SH3PXD2B: variants seen among roughly 807,000 people sequenced by gnomAD.
SH3PXD2B encodes the protein SH3 and PX domains 2B, also known as SH3 and PX domain-containing protein 2B.
A neutral mutation model predicts 73.1 loss-of-function variants in SH3PXD2B; 37 were observed. The observed-to-expected ratio is 0.51, with a 90% CI of 0.39 to 0.67. The LOEUF (loss-of-function observed/expected upper bound fraction) is 0.67, where lower values mean the gene tolerates loss of function less well. Ranked by LOEUF, SH3PXD2B falls within the 30% of genes least tolerant of loss-of-function variation. The pLI is 0.00. For missense variants in SH3PXD2B, 1,053 were observed against 1,197.8 expected (o/e 0.88, Z 1.78); for synonymous variants, 457 against 480.5 (o/e 0.95, Z 0.64).
At chr5:172,349,697 AAGT>A (rs1218206583) in intron 10 of SH3PXD2B, among the ~76,000 whole-genome samples, 1 of 152,154 alleles carries the variant, frequency 6.6e-6, no homozygotes, top group Non-Finnish European at 1.5e-5. Flanking sequence ...AAAACAGAAA[AAGT>A]AGTAATTCCC....
At chr5:172,401,345 T>G (rs1561923926) in intron 3 of SH3PXD2B, among the ~76,000 whole-genome samples, 1 of 152,220 alleles carries the variant, frequency 6.6e-6, no homozygotes, top group Admixed American at 6.5e-5. Flanking sequence ...AACAAATTTT[T>G]GAAGCCTCTC....
chr5:172,384,498 A>G (rs1369996759), intron 4 of SH3PXD2B, among the ~76,000 whole-genome samples: 1 of 152,160 alleles, frequency 6.6e-6, no homozygotes, highest in Non-Finnish European at 1.5e-5. Context: ...GAAACTCTGT[A>G]CCCATTAAAC....
At chr5:172,404,729 G>A (rs1758513844) in intron 3 of SH3PXD2B, among the ~76,000 whole-genome samples, 1 of 152,190 alleles carries the variant, frequency 6.6e-6, no homozygotes, top group South Asian at 2.1e-4. Context: ...GGCATTTACA[G>A]AATCATCATA....
At chr5:172,422,604 C>A (rs1420645243) in intron 1 of SH3PXD2B, 108 bp from the exon 2 acceptor site, 7 of 1,033,332 alleles carry the variant, frequency 6.8e-6, no homozygotes, top group Non-Finnish European at 1.0e-5. Flanking sequence ...TGGGTTTCAG[C>A]CTTAGCTCTG....
chr5:172,400,163 A>G (rs1758394197), intron 3 of SH3PXD2B, among the ~76,000 whole-genome samples: 2 of 152,164 alleles, frequency 1.3e-5, no homozygotes, highest in South Asian at 4.1e-4. Flanking sequence ...AAACAAATGA[A>G]AGGGGGAGTA....
intron 5 of SH3PXD2B, among the ~76,000 whole-genome samples, chr5:172,374,928 T>C (rs1337185840): frequency 6.6e-6 from 1 of 152,218 alleles, no homozygotes. Flanking sequence ...ATTATTCTTA[T>C]TCCCATTTTA....
Position 172,338,088 on chromosome 5 carries a change from T to G in SH3PXD2B, c.*281A>C. The G allele has an allele frequency of 2.2e-6, 3 of 1,341,948 alleles. No individual in the cohort carries two copies. Among genetic ancestry groups the G allele is most frequent in the Non-Finnish European group, 2.9e-6 (3 of 1,042,398 alleles). The allele number at this position is 1,341,948 out of a possible 1,614,324, so 83.1% of individuals were successfully genotyped here. The stretch of plus-strand genomic sequence containing the variant: ...GTCCCACTGCTGGGTGGCAATGCCA[T>G]TGGCCAGGAGGAGTTCTCTTAAGGC... On this transcript the variant is annotated 3_prime_UTR_variant, in exon 13 of 13. Transcript: ENST00000311601. This position sits in a 1 kb window ranked among gnomAD's most constrained non-coding sequence, Gnocchi z 5.1.
intron 1 of SH3PXD2B, among the ~76,000 whole-genome samples, chr5:172,439,847 G>A (rs1759511681): frequency 6.6e-6 from 1 of 151,550 alleles, no homozygotes; most frequent in Non-Finnish European, 1.5e-5. Context: ...CGACGACTGA[G>A]ACACTGGGCT....
Position 172,336,061 on chromosome 5 carries a change from G to A in SH3PXD2B, c.*2308C>T, listed in dbSNP as rs1756682970. 1 of 991,166 alleles carries A rather than the reference G, an allele frequency of 1.0e-6. No individual in the cohort carries two copies. The highest frequency in any genetic ancestry group is 1.1e-4 in the East Asian group (1 of 9,118). The allele number at this position is 991,166 out of a possible 1,614,324, so 61.4% of individuals were successfully genotyped here. On this transcript the variant is annotated 3_prime_UTR_variant, in exon 13 of 13. Transcript: ENST00000311601. ...GAAGCAAGAGAGAAACTCCTTCAGTGAAGTCAGCAGACAGGACTCAAAGCT... is the reference window on the plus strand; with the variant it reads ...GAAGCAAGAGAGAAACTCCTTCAGTAAAGTCAGCAGACAGGACTCAAAGCT...
intron 3 of SH3PXD2B, among the ~76,000 whole-genome samples, chr5:172,395,329 C>T (rs1312219209): frequency 6.6e-6 from 1 of 152,212 alleles, no homozygotes; most frequent in Non-Finnish European, 1.5e-5. Context: ...AATGTGGCTT[C>T]CACCTGCAAA....
intron 5 of SH3PXD2B, among the ~76,000 whole-genome samples, chr5:172,380,383 T>G (rs1007275376): frequency 1.1e-4 from 17 of 152,150 alleles, no homozygotes; most frequent in Non-Finnish European, 2.4e-4. Flanking sequence ...CGTGAGAAAA[T>G]GAAGTGGAAA....
chr5:172,396,091 G>A (rs71609713), intron 3 of SH3PXD2B, among the ~76,000 whole-genome samples: 5 of 151,168 alleles, frequency 3.3e-5, no homozygotes, highest in East Asian at 2.0e-4. Context: ...GGTGACTCAC[G>A]CCTGTAATCC....
intron 4 of SH3PXD2B, 31 bp downstream of exon 4, chr5:172,394,532 G>A (rs373819780): frequency 1.2e-4 from 194 of 1,610,072 alleles, no homozygotes; most frequent in Non-Finnish European, 1.6e-4. Flanking sequence ...ACACCTACAG[G>A]GAAGACTGCG....
intron 5 of SH3PXD2B, among the ~76,000 whole-genome samples, chr5:172,379,648 G>T (rs1757898290): frequency 6.6e-6 from 1 of 152,154 alleles, no homozygotes; most frequent in Admixed American, 6.5e-5. Context: ...CATTCCAAGA[G>T]GGGCACTACC....
At position 172,452,706 on chromosome 5, in the gene SH3PXD2B, G is replaced by A. The variant is rs1028877397; in HGVS notation, c.75+1572C>T. Among the ~76,000 whole-genome samples, 3 of 152,206 alleles carry A rather than the reference G, an allele frequency of 2.0e-5. No individual in the cohort carries two copies. The South Asian group carries it at 6.2e-4, about 32-fold the overall frequency. On this transcript the variant is annotated intron_variant, in intron 1 of 12. Transcript: ENST00000311601. Reference sequence around the variant, plus strand: ...TGCCAGCTCACAGACCTGGTGGGAGGTGGCATGGAGAATTCCAGACTTCCT... The same window carrying A: ...TGCCAGCTCACAGACCTGGTGGGAGATGGCATGGAGAATTCCAGACTTCCT...
intron 12 of SH3PXD2B, among the ~76,000 whole-genome samples, chr5:172,340,557 A>C (rs975401268): frequency 6.6e-6 from 1 of 152,170 alleles, no homozygotes; most frequent in Non-Finnish European, 1.5e-5. Flanking sequence ...TCGGATGAAG[A>C]AGTTAGCTGG....
rs879775151 is a variant in SH3PXD2B, at chr5:172,342,048, A to C, written c.1189-2132T>G. On this transcript the variant is annotated intron_variant, in intron 12 of 12. Coordinates refer to ENST00000311601, the MANE Select transcript of SH3PXD2B (RefSeq NM_001017995.3). Reference sequence around the variant, plus strand: ...CCAAATAAGAAGAGGAGATTAGAAAACACACAGGGACTGAGGGATGACCAC... The same window carrying C: ...CCAAATAAGAAGAGGAGATTAGAAACCACACAGGGACTGAGGGATGACCAC... 3.9e-5 allele frequency among the ~76,000 whole-genome samples: 6 copies of C among 152,272 alleles called. No individual in the cohort carries two copies. In the East Asian group the frequency reaches 1.2e-3, roughly 29 times the overall value.
chr5:172,331,900 T>G (rs889155459), downstream of SH3PXD2B, among the ~76,000 whole-genome samples: 6 of 152,068 alleles, frequency 3.9e-5, no homozygotes, highest in Non-Finnish European at 7.4e-5. Flanking sequence ...GAGCCAAGAT[T>G]GCGCCATTGC....
chr5:172,407,163 C>T (rs781778852), intron 2 of SH3PXD2B, among the ~76,000 whole-genome samples: 4 of 152,162 alleles, frequency 2.6e-5, no homozygotes, highest in Non-Finnish European at 5.9e-5. Flanking sequence ...TGACTTGCAG[C>T]GTTATTTTAT....
Sources: allele counts gnomAD v4.1 joint callset (sites outside exome capture counted in the v4.1 genomes callset), GRCh38; gene constraint gnomAD v4.1.1; non-coding constraint Gnocchi (gnomAD v3.1); transcripts MANE v1.5; gene names NCBI Gene and HGNC (gene_info 2026-07-23, HGNC 2026-07-21).